DOCK1: variants seen among roughly 807,000 people sequenced by gnomAD.
DOCK1 encodes dedicator of cytokinesis protein 1.
DOCK1 carries 138 observed loss-of-function variants against 262.7 expected under a neutral mutation model. The observed-to-expected ratio is 0.53, with a 90% CI of 0.46 to 0.61. DOCK1 has a LOEUF of 0.61. DOCK1 is among the 20% of genes least tolerant of loss of function. The pLI is 0.00. For missense variants in DOCK1, 1,908 were observed against 2,370.7 expected, an observed-to-expected ratio of 0.80 and a Z score of 4.05; for synonymous variants, 866 against 867.4, an observed-to-expected ratio of 1.00 and a Z score of 0.03.
chr10:127,410,708 C>T (rs45488799), intron 42 of DOCK1, 132 bp from the exon 43 acceptor site: 14 of 722,674 alleles, frequency 1.9e-5, no homozygotes, highest in African/African-American at 1.4e-4. Context: ...GACACCAAGG[C>T]GATGGCTTCA....
At chr10:127,361,295 T>A (rs925661552) in intron 32 of DOCK1, among the ~76,000 whole-genome samples, 1 of 151,924 alleles carries the variant, frequency 6.6e-6, no homozygotes, top group South Asian at 2.1e-4. Flanking sequence ...TTTGTATTTT[T>A]AGTAGAGACG....
intron 29 of DOCK1, among the ~76,000 whole-genome samples, chr10:127,330,215 A>T (rs907606426): frequency 1.3e-5 from 2 of 152,230 alleles, no homozygotes; most frequent in Non-Finnish European, 2.9e-5. Context: ...ATTTGTAGAG[A>T]GGACATATCA....
intron 1 of DOCK1, among the ~76,000 whole-genome samples, chr10:126,960,741 TATATAC>T (rs1240615520): frequency 0.057 from 7,994 of 140,826 alleles, 255 homozygotes; most frequent in African/African-American, 0.072. Context: ...TATATATATA[TATATAC>T]ACACACACAC....
At chr10:126,975,756 T>C (rs2134745723) in intron 2 of DOCK1, among the ~76,000 whole-genome samples, 1 of 151,654 alleles carries the variant, frequency 6.6e-6, no homozygotes, top group South Asian at 2.1e-4. Context: ...TACCTGGTAT[T>C]ACAGGTGCAC....
chr10:127,260,260 C>T (rs2059975225), intron 29 of DOCK1, among the ~76,000 whole-genome samples: 1 of 152,182 alleles, frequency 6.6e-6, no homozygotes, highest in South Asian at 2.1e-4. Flanking sequence ...GTTTTGAGGA[C>T]AGGGAAACTC....
chr10:127,301,158 G>T (rs779073578), intron 29 of DOCK1, among the ~76,000 whole-genome samples: 1 of 152,216 alleles, frequency 6.6e-6, no homozygotes, highest in African/African-American at 2.4e-5. Context: ...GTTACAGTGA[G>T]AACTGGGCAG....
intron 23 of DOCK1, among the ~76,000 whole-genome samples, chr10:127,094,503 G>C (rs202104418): frequency 6.6e-6 from 1 of 152,122 alleles, no homozygotes; most frequent in Non-Finnish European, 1.5e-5. Context: ...GGCCATCCTC[G>C]ATGGCAGTGA....
intron 1 of DOCK1, among the ~76,000 whole-genome samples, chr10:126,917,176 C>T (rs1473291712): frequency 6.6e-6 from 1 of 152,232 alleles, no homozygotes; most frequent in Non-Finnish European, 1.5e-5. Context: ...ATTGATTCTG[C>T]TGCCATGAGC....
chr10:126,915,230 G>T (rs1172157107), intron 1 of DOCK1, among the ~76,000 whole-genome samples: 2 of 152,146 alleles, frequency 1.3e-5, no homozygotes, highest in African/African-American at 4.8e-5. Flanking sequence ...ACATCCTCAG[G>T]ACTTTCACCC....
chr10:127,397,267 G>A (rs549652408), intron 38 of DOCK1, among the ~76,000 whole-genome samples: 17 of 140,742 alleles, frequency 1.2e-4, no homozygotes, highest in Admixed American at 2.1e-4. Context: ...CACGGGCGGC[G>A]ACTCCTATGT....
chr10:127,094,819 C>A (rs1307312331), intron 23 of DOCK1, among the ~76,000 whole-genome samples: 1 of 152,162 alleles, frequency 6.6e-6, no homozygotes, highest in African/African-American at 2.4e-5. Flanking sequence ...TGGAACTGGA[C>A]CGTTTTCCTG....
chr10:127,411,227 G>A (rs939178144), intron 43 of DOCK1, among the ~76,000 whole-genome samples: 1 of 152,142 alleles, frequency 6.6e-6, no homozygotes, highest in Non-Finnish European at 1.5e-5. Flanking sequence ...GAGAGAGCAG[G>A]TGCCTGTCAT....
chr10:127,410,274 A>G (rs531613720), intron 42 of DOCK1, among the ~76,000 whole-genome samples: 41 of 152,314 alleles, frequency 2.7e-4, no homozygotes, highest in Non-Finnish European at 5.0e-4. Flanking sequence ...GCAAATAGTG[A>G]CGCTTAGAGC....
intron 23 of DOCK1, among the ~76,000 whole-genome samples, chr10:127,083,873 G>A (rs191456234): frequency 6.6e-4 from 101 of 152,294 alleles, no homozygotes; most frequent in African/African-American, 2.4e-3. Context: ...CTTTAACGTA[G>A]GGTTAGGATT....
chr10:127,348,634 G>GT (rs2063748382), intron 31 of DOCK1, among the ~76,000 whole-genome samples: 3 of 84,836 alleles, frequency 3.5e-5, no homozygotes, highest in Non-Finnish European at 8.3e-5. Flanking sequence ...TTCAGTTTTG[G>GT]CGGGGTGGGT....
intron 6 of DOCK1, among the ~76,000 whole-genome samples, chr10:126,991,714 A>C: frequency 6.6e-6 from 1 of 152,044 alleles, no homozygotes; most frequent in East Asian, 1.9e-4. Flanking sequence ...TTTTTAGTAG[A>C]GATGGGGTTT....
chr10:127,095,179 G>C (rs2047833450), intron 23 of DOCK1, among the ~76,000 whole-genome samples: 1 of 152,210 alleles, frequency 6.6e-6, no homozygotes. Flanking sequence ...GGGTGTTCTT[G>C]CTGTCTGTGC....
At chr10:126,918,135 A>G (rs1022265223) in intron 1 of DOCK1, among the ~76,000 whole-genome samples, 2 of 152,184 alleles carry the variant, frequency 1.3e-5, no homozygotes, top group African/African-American at 4.8e-5. Context: ...GCTGCCCGGG[A>G]TTGCCAGTGC....
intron 25 of DOCK1, among the ~76,000 whole-genome samples, chr10:127,120,104 G>A (rs2049456778): frequency 6.6e-6 from 1 of 152,194 alleles, no homozygotes; most frequent in Non-Finnish European, 1.5e-5. Flanking sequence ...TACCTTTATA[G>A]CTCTGTGCAT....
Sources: gnomAD v4.1 joint callset for allele counts (sites outside exome capture counted in the v4.1 genomes callset) on GRCh38, gnomAD v4.1.1 for gene constraint, MANE v1.5 for transcripts, NCBI Gene and HGNC (gene_info 2026-07-23, HGNC 2026-07-21) for gene names.